SHANK2: variants seen among roughly 807,000 people sequenced by gnomAD.
SHANK2 encodes SH3 and multiple ankyrin repeat domains 2.
SHANK2 carries 43 observed loss-of-function variants against 133.7 expected under a neutral mutation model. The observed-to-expected ratio is 0.32, with a 90% CI of 0.25 to 0.41. The LOEUF (loss-of-function observed/expected upper bound fraction) is 0.41, where lower values mean the gene tolerates loss of function less well. Among genes scored for constraint, SHANK2 ranks in the 10% least tolerant of loss-of-function variants. The pLI, the probability that SHANK2 is intolerant of heterozygous loss-of-function variation, is 1.00. For synonymous variants in SHANK2, 1,017 were observed against 952.8 expected (o/e 1.07, Z -1.24); for missense variants, 1,994 against 2,235.8 (o/e 0.89, Z 2.18).
intron 14 of SHANK2, among the ~76,000 whole-genome samples, chr11:70,745,276 C>T (rs1246863172): frequency 2.0e-5 from 3 of 152,188 alleles, no homozygotes; most frequent in Non-Finnish European, 2.9e-5. Context: ...AGTAGCAGGG[C>T]CTGGCTGTTG....
chr11:71,122,390 G>A lies in SHANK2; in HGVS notation c.208-3358C>T, dbSNP rs554730950. 7.2e-5 allele frequency among the ~76,000 whole-genome samples: 11 copies of A among 151,856 alleles called. No homozygotes were observed. The South Asian group carries it at 1.5e-3, about 20-fold the overall frequency. ...AAACCATCATTCTGAGCAAACTATC[G>A]CAAGGACAGAAAACCAAACACTGCA... On this transcript the variant is annotated intron_variant, in intron 3 of 25. Transcript: ENST00000601538.
chr11:71,068,066 A>G (rs1951091317), intron 9 of SHANK2, among the ~76,000 whole-genome samples: 1 of 151,966 alleles, frequency 6.6e-6, no homozygotes, highest in South Asian at 2.1e-4. Context: ...CACCATCACA[A>G]CCATCACCAT....
At chr11:70,778,718 G>A (rs1947420348) in intron 14 of SHANK2, among the ~76,000 whole-genome samples, 1 of 152,176 alleles carries the variant, frequency 6.6e-6, no homozygotes, top group Non-Finnish European at 1.5e-5. Context: ...GAATTGGGAG[G>A]AAATACATTT....
intron 2 of SHANK2, among the ~76,000 whole-genome samples, chr11:71,189,187 C>T (rs994790205): frequency 1.3e-5 from 2 of 152,358 alleles, no homozygotes; most frequent in South Asian, 2.1e-4. Flanking sequence ...CTGGCCACCC[C>T]GGCTTCCCGC....
intron 3 of SHANK2, among the ~76,000 whole-genome samples, chr11:71,126,908 C>T (rs782730667): frequency 3.3e-5 from 5 of 151,990 alleles, no homozygotes; most frequent in Admixed American, 6.6e-5. Context: ...AGGGTTTCAC[C>T]GTTAGCCAGG....
intron 10 of SHANK2, chr11:70,949,953 C>T (rs1950808629): frequency 2.4e-6 from 1 of 417,462 alleles, no homozygotes; most frequent in African/African-American, 2.0e-5. Flanking sequence ...GCCGGGAGTC[C>T]AGGATCAAGG....
intron 11 of SHANK2, chr11:70,864,415 G>T (rs1205106491): frequency 6.5e-6 from 1 of 152,778 alleles, no homozygotes; most frequent in African/African-American, 2.4e-5. Context: ...GGGCCGCGGG[G>T]ACTTCCCCAT....
intron 15 of SHANK2, among the ~76,000 whole-genome samples, chr11:70,681,264 C>G (rs1945023844): frequency 6.6e-6 from 1 of 152,180 alleles, no homozygotes; most frequent in Non-Finnish European, 1.5e-5. Context: ...CGGAAACCCC[C>G]TGAATAAACA....
intron 6 of SHANK2, among the ~76,000 whole-genome samples, chr11:71,102,404 A>G (rs1271575341): frequency 2.0e-5 from 3 of 152,106 alleles, no homozygotes; most frequent in Non-Finnish European, 1.5e-5. Flanking sequence ...CTCAGGCTAG[A>G]GGGCTGCTTC....
chr11:70,758,192 T>G (rs1318083179), intron 14 of SHANK2, among the ~76,000 whole-genome samples: 2 of 152,230 alleles, frequency 1.3e-5, no homozygotes, highest in Non-Finnish European at 2.9e-5. Context: ...ATGATCGGGA[T>G]GTAAACCCAG....
rs1033194478 is a variant in SHANK2 at position 71,094,441 on chromosome 11, C to A, written c.744+96G>T. On this transcript the variant is annotated intron_variant, in intron 7 of 25. Coordinates refer to ENST00000601538, the MANE Select transcript of SHANK2 (RefSeq NM_012309.5). ...CTAGGGTGGGCCGGAACACTGTGCA[C>A]GGACCCCCTAGGATGGGCACTGCGG... 2.8e-5 allele frequency: 35 copies of A among 1,261,404 alleles called. No individual in the cohort carries two copies. In the South Asian group the frequency reaches 4.9e-4, roughly 18 times the overall value. 78.1% of individuals were successfully genotyped at this position (1,261,404 alleles called of 1,614,324 possible).
intron 11 of SHANK2, among the ~76,000 whole-genome samples, chr11:70,842,153 C>A (rs1237804016): frequency 6.6e-6 from 1 of 152,168 alleles, no homozygotes. Flanking sequence ...TGAAAACTCA[C>A]CAAGCATTTA....
chr11:70,622,426 G>A (rs782413973), intron 17 of SHANK2, among the ~76,000 whole-genome samples: 16 of 152,228 alleles, frequency 1.1e-4, no homozygotes, highest in Middle Eastern at 3.4e-3. Context: ...CCCTCTGTGC[G>A]AGTGTCCTGG....
At chr11:70,608,295 T>C (rs938684596) in intron 17 of SHANK2, among the ~76,000 whole-genome samples, 1 of 152,102 alleles carries the variant, frequency 6.6e-6, no homozygotes, top group Non-Finnish European at 1.5e-5. Context: ...TCTTTCCTCT[T>C]TGTGAAAAGA....
At chr11:70,710,711 C>T (rs1945764675) in intron 14 of SHANK2, among the ~76,000 whole-genome samples, 2 of 152,182 alleles carry the variant, frequency 1.3e-5, no homozygotes, top group Admixed American at 6.5e-5. Flanking sequence ...CTGCCCACAA[C>T]CTGAATGTGA....
intron 23 of SHANK2, chr11:70,490,044 C>G: frequency 4.2e-6 from 2 of 475,880 alleles, no homozygotes; most frequent in African/African-American, 3.9e-5. Context: ...AGAAGCCACC[C>G]TAGATTTTGT....
rs192678590 is a variant in SHANK2, at chr11:70,552,249, G to A, written c.2062-49318C>T. On this transcript the variant is annotated intron_variant, in intron 17 of 25. Transcript: ENST00000601538. ...TGCCTGCGAACAAACGCACACAGGC[G>A]AGCAGACAGAGTGGGCCTCTCCTGG... is the stretch of plus-strand genomic sequence containing the variant. Among the ~76,000 whole-genome samples, 13 of 152,264 alleles carry A rather than the reference G, an allele frequency of 8.5e-5. No individual in the cohort carries two copies. The East Asian group carries it at 2.3e-3, about 27-fold the overall frequency.
At chr11:71,184,377 G>A (rs1953629337) in intron 2 of SHANK2, among the ~76,000 whole-genome samples, 1 of 152,126 alleles carries the variant, frequency 6.6e-6, no homozygotes, top group Non-Finnish European at 1.5e-5. Context: ...CCCACGAAAA[G>A]CAATGGCTCT....
At chr11:71,106,502 G>A (rs1174779496) in intron 6 of SHANK2, among the ~76,000 whole-genome samples, 1 of 152,188 alleles carries the variant, frequency 6.6e-6, no homozygotes, top group African/African-American at 2.4e-5. Context: ...ACATTCATAA[G>A]GTAACTCTGT....
Sources: gnomAD v4.1 joint callset for allele counts (sites outside exome capture counted in the v4.1 genomes callset) on GRCh38, gnomAD v4.1.1 for gene constraint, MANE v1.5 for transcripts, NCBI Gene and HGNC (gene_info 2026-07-23, HGNC 2026-07-21) for gene names.